Variants in SIN3A observed in about 807,000 individuals in gnomAD.
The protein encoded by SIN3A is paired amphipathic helix protein Sin3a.
Under a neutral mutation model 146.1 loss-of-function variants are expected in SIN3A, and 14 were observed. The ratio of observed to expected loss-of-function variants is 0.10; its 90% CI spans 0.06 to 0.15. The LOEUF is 0.15. Ranked by LOEUF, SIN3A falls within the 10% of genes least tolerant of loss-of-function variation. The pLI is 1.00. For synonymous variants in SIN3A, 572 were observed against 572.0 expected (o/e 1.00, Z 0.00); for missense variants, 1,028 against 1,576.0 (o/e 0.65, Z 5.89).
intron 1 of SIN3A, among the ~76,000 whole-genome samples, chr15:75,443,864 T>TC (rs1269815185): frequency 6.6e-6 from 1 of 152,190 alleles, no homozygotes; most frequent in Non-Finnish European, 1.5e-5. Flanking sequence ...AGAGCTATGA[T>TC]CATACCACTG....
chr15:75,377,589 C>A (rs1206934093), intron 19 of SIN3A, among the ~76,000 whole-genome samples: 2 of 150,138 alleles, frequency 1.3e-5, no homozygotes, highest in Non-Finnish European at 3.0e-5. Flanking sequence ...CGCGCCACTG[C>A]ACTCCAGCTT....
intron 2 of SIN3A, among the ~76,000 whole-genome samples, chr15:75,429,169 C>T (rs947979419): frequency 1.3e-5 from 2 of 152,146 alleles, no homozygotes; most frequent in Non-Finnish European, 1.5e-5. Context: ...CTTGTAATCC[C>T]AGCTCTTTGG....
At chr15:75,391,503 A>T (rs1399403228) in intron 15 of SIN3A, among the ~76,000 whole-genome samples, 2 of 59,970 alleles carry the variant, frequency 3.3e-5, no homozygotes, top group Non-Finnish European at 5.8e-5. Flanking sequence ...AGCAACACAT[A>T]AAAAAAAAAA....
intron 16 of SIN3A, among the ~76,000 whole-genome samples, chr15:75,385,679 C>T (rs2141401171): frequency 6.6e-6 from 1 of 152,318 alleles, no homozygotes; most frequent in African/African-American, 2.4e-5. Context: ...CCAAGCCATT[C>T]TATTTTTAGG....
At chr15:75,389,955 C>T (rs2073167052) in intron 15 of SIN3A, 134 bp from the exon 16 acceptor site, 2 of 764,128 alleles carry the variant, frequency 2.6e-6, no homozygotes, top group African/African-American at 1.7e-5. Context: ...TATACTCACT[C>T]ATTCCAATGT....
chr15:75,406,211 A>G (rs952802473), intron 9 of SIN3A, among the ~76,000 whole-genome samples: 2 of 152,204 alleles, frequency 1.3e-5, no homozygotes, highest in African/African-American at 2.4e-5. Context: ...GACTCCGAGG[A>G]GCAAATCACA....
intron 8 of SIN3A, among the ~76,000 whole-genome samples, chr15:75,407,892 CAAAAAAAAAAAAAAA>C (rs775913884): frequency 5.7e-4 from 14 of 24,654 alleles, no homozygotes; most frequent in South Asian, 7.5e-3. Context: ...GACTCCATCT[CAAAAAAAAAAAAAAA>C]AAAAAAAAAA....
intron 12 of SIN3A, among the ~76,000 whole-genome samples, chr15:75,397,464 GCT>G (rs1025347056): frequency 1.3e-5 from 2 of 152,146 alleles, no homozygotes. Flanking sequence ...ATCATTCCAA[GCT>G]CTCTTTTCCT....
chr15:75,386,383 T>C (rs1595891148), intron 16 of SIN3A, among the ~76,000 whole-genome samples: 1 of 152,204 alleles, frequency 6.6e-6, no homozygotes, highest in Non-Finnish European at 1.5e-5. Flanking sequence ...TACTCTCTTT[T>C]TGGATATCTG....
chr15:75,417,833 G>C (rs189367272), intron 3 of SIN3A, among the ~76,000 whole-genome samples: 1 of 152,290 alleles, frequency 6.6e-6, no homozygotes, highest in East Asian at 1.9e-4. Context: ...CCTTCAGAAA[G>C]TGATTGTGGA....
chr15:75,373,170 C>T (rs1022807038), intron 20 of SIN3A, among the ~76,000 whole-genome samples: 2 of 152,110 alleles, frequency 1.3e-5, no homozygotes, highest in African/African-American at 4.8e-5. Context: ...TGGTGTTGCC[C>T]AGTGTCCCAA....
intron 19 of SIN3A, among the ~76,000 whole-genome samples, chr15:75,379,544 G>C (rs1400771616): frequency 1.3e-5 from 2 of 152,178 alleles, no homozygotes; most frequent in African/African-American, 2.4e-5. Flanking sequence ...TATTAGCATG[G>C]AGCCTGTTTT....
Position 75,401,760 on chromosome 15 carries a change from T to C in SIN3A, c.1526+92A>G, listed in dbSNP as rs1038592214. 15 of 784,892 alleles carry C rather than the reference T, an allele frequency of 1.9e-5. No homozygotes were observed. In the African/African-American group the frequency reaches 2.6e-4, roughly 14 times the overall value. 48.6% of individuals were successfully genotyped at this position (784,892 alleles called of 1,614,324 possible). A position where few individuals can be genotyped will look rare whatever the true frequency, so the allele number is the denominator to read the frequency against. ...TTTGAGTCAACTGATGTATCTCAAG[T>C]AAATTAACTTTGCCTATCATATACT... is the stretch of plus-strand genomic sequence containing the variant. On this transcript the variant is annotated intron_variant, in intron 10 of 20. Coordinates refer to ENST00000394947, the MANE Select transcript of SIN3A (RefSeq NM_001145358.2).
intron 2 of SIN3A, among the ~76,000 whole-genome samples, chr15:75,423,347 C>G (rs1567389481): frequency 6.6e-6 from 1 of 152,114 alleles, no homozygotes; most frequent in Non-Finnish European, 1.5e-5. Context: ...AAATAAATTA[C>G]AGCCCACCAA....
chr15:75,400,765 G>A lies in SIN3A; in HGVS notation c.1702C>T (p.Pro568Ser). The A allele has an allele frequency of 6.2e-7, 1 of 1,614,020 alleles. No individual in the cohort carries two copies. The highest frequency in any genetic ancestry group is 8.5e-7 in the Non-Finnish European group (1 of 1,180,018). ...YRALPKSYQQ[P>S]KCTGRTPLCK... ...AGAGGAGTCCGTCCTGTACACTTGG[G>A]CTGCTGGTAACTCTTTGGTAAGGCT... is the stretch of plus-strand genomic sequence containing the variant. The change falls in exon 11 of 21, where the codon CCC becomes TCC. Residue 568 changes from proline (P) to serine (S), a missense_variant. Physicochemically the swap from Pro to Ser is moderately conservative, Grantham distance 74 (BLOSUM62 -1). Transcript: ENST00000394947.
At chr15:75,410,062 T>A in intron 7 of SIN3A, 71 bp from the exon 8 acceptor site, 1 of 1,604,564 alleles carries the variant, frequency 6.2e-7, no homozygotes, top group Non-Finnish European at 8.5e-7. Context: ...AAAAGTCCCC[T>A]TCTGAGCACA....
intron 2 of SIN3A, among the ~76,000 whole-genome samples, chr15:75,427,749 C>T (rs1269092668): frequency 1.3e-5 from 2 of 152,006 alleles, no homozygotes; most frequent in African/African-American, 4.8e-5. Flanking sequence ...AGGGGCAGAT[C>T]ACCTGAGGTC....
At chr15:75,420,784 C>T (rs779420124) in intron 3 of SIN3A, 7 of 152,200 alleles carry the variant, frequency 4.6e-5, no homozygotes, top group African/African-American at 1.7e-4. Flanking sequence ...TGTGGGAATA[C>T]TGAGTTAAAT....
intron 13 of SIN3A, among the ~76,000 whole-genome samples, chr15:75,395,253 T>C (rs967638790): frequency 6.6e-6 from 1 of 152,194 alleles, no homozygotes; most frequent in Non-Finnish European, 1.5e-5. Flanking sequence ...CTTGCACAGT[T>C]ATGTTCCTCT....
Sources: allele counts gnomAD v4.1 joint callset (sites outside exome capture counted in the v4.1 genomes callset), GRCh38; gene constraint gnomAD v4.1.1; transcripts MANE v1.5; gene names NCBI Gene and HGNC (gene_info 2026-07-23, HGNC 2026-07-21).